The following MAP3K20 variants were observed in gnomAD, a reference collection of about 807,000 sequenced individuals.
The protein encoded by MAP3K20 is mitogen-activated protein kinase kinase kinase 20.
In MAP3K20, 40 loss-of-function variants were observed where a neutral mutation model predicts 85.7. The ratio of observed to expected loss-of-function variants is 0.47; its 90% CI spans 0.36 to 0.61. The LOEUF is 0.61. Ranked by LOEUF, MAP3K20 falls within the 20% of genes least tolerant of loss-of-function variation. The pLI, the probability that MAP3K20 is intolerant of heterozygous loss-of-function variation, is 0.00. For missense variants in MAP3K20, 817 were observed against 961.7 expected (o/e 0.85, Z 1.99); for synonymous variants, 325 against 327.7 (o/e 0.99, Z 0.09).
rs1349368914 is a variant in MAP3K20 at position 173,232,223 on chromosome 2, GC to G, written c.1063+2del. The G allele has an allele frequency of 6.2e-7, 1 of 1,614,080 alleles. No homozygotes were observed. Among genetic ancestry groups the G allele is most frequent in the Non-Finnish European group, 8.5e-7 (1 of 1,180,040 alleles). On this transcript the variant is annotated splice_donor_variant, in intron 13 of 19. Transcript: ENST00000375213. LOFTEE classifies it high-confidence loss of function. ...TGGGTTCAGCAGCTCGTCAGAAAAG[GC>G]AAGTGGAATAAGTTACCTTCTTCAA...
Position 173,230,289 on chromosome 2 carries a change from G to T in MAP3K20, c.1032+556G>T, listed in dbSNP as rs534660821. Among the ~76,000 whole-genome samples, 8 of 152,224 alleles carry T rather than the reference G, an allele frequency of 5.3e-5. No individual in the cohort carries two copies. In the South Asian group the frequency reaches 1.7e-3, roughly 32 times the overall value. ...TACCCATGAGGAAATTAAAGTGGCA[G>T]CTCGGGAAAACAAATGAACATACTT... On this transcript the variant is annotated intron_variant, in intron 12 of 19. Coordinates refer to ENST00000375213, the MANE Select transcript of MAP3K20 (RefSeq NM_016653.3).
chr2:173,249,702 G>C (rs939342169), intron 16 of MAP3K20, among the ~76,000 whole-genome samples: 2 of 152,170 alleles, frequency 1.3e-5, no homozygotes, highest in Non-Finnish European at 2.9e-5. Context: ...ACATAGAATA[G>C]ATTCTTAATT....
intron 4 of MAP3K20, among the ~76,000 whole-genome samples, chr2:173,186,372 A>G (rs1056876279): frequency 1.3e-5 from 2 of 152,114 alleles, no homozygotes; most frequent in Non-Finnish European, 2.9e-5. Context: ...GGGATGTAGA[A>G]CTTCTTATCA....
chr2:173,146,842 C>T (rs1689152931), intron 2 of MAP3K20, among the ~76,000 whole-genome samples: 1 of 152,176 alleles, frequency 6.6e-6, no homozygotes, highest in African/African-American at 2.4e-5. Flanking sequence ...TGGGTTCTAA[C>T]TTCTCTACAC....
At chr2:173,206,303 G>A (rs1020851630) in intron 9 of MAP3K20, among the ~76,000 whole-genome samples, 6 of 152,228 alleles carry the variant, frequency 3.9e-5, no homozygotes, top group Admixed American at 6.5e-5. Flanking sequence ...CAGCTGGCAT[G>A]TCTTTAAATG....
At chr2:173,254,514 G>A (rs973001647) in intron 16 of MAP3K20, among the ~76,000 whole-genome samples, 1 of 151,828 alleles carries the variant, frequency 6.6e-6, no homozygotes, top group African/African-American at 2.4e-5. Flanking sequence ...TGAAAAGGTT[G>A]CAGATATGTA....
In MAP3K20 at chr2:173,198,213, C is replaced by T; in HGVS notation, c.669+101C>T. ...TCTTCAAATTGAAAGTAAGTTCACG[C>T]TTATGGAAAGATTAGCAGTAGGAGC... On this transcript the variant is annotated intron_variant, in intron 8 of 19. Transcript: ENST00000375213. This position sits in a 1 kb window ranked among gnomAD's most constrained non-coding sequence, Gnocchi z 5.8. 1 of 1,101,002 alleles carries T rather than the reference C, an allele frequency of 9.1e-7. No individual in the cohort carries two copies. Among genetic ancestry groups the T allele is most frequent in the African/African-American group, 1.6e-5 (1 of 63,358 alleles). 68.2% of individuals were successfully genotyped at this position (1,101,002 alleles called of 1,614,324 possible).
intron 3 of MAP3K20, among the ~76,000 whole-genome samples, chr2:173,172,152 GAGC>G (rs1690016668): frequency 6.6e-6 from 1 of 152,148 alleles, no homozygotes; most frequent in Non-Finnish European, 1.5e-5. Flanking sequence ...CACTGGAAAT[GAGC>G]ACAAATAAGT....
At chr2:173,209,685 TTTC>T (rs1221625686) in intron 9 of MAP3K20, 41 bp from the exon 10 acceptor site, 1 of 1,532,800 alleles carries the variant, frequency 6.5e-7, no homozygotes, top group Admixed American at 1.9e-5. Flanking sequence ...AAATATCTCC[TTTC>T]TTAAGTCCCA....
At chr2:173,204,304 A>G (rs1480565893) in intron 9 of MAP3K20, among the ~76,000 whole-genome samples, 1 of 152,214 alleles carries the variant, frequency 6.6e-6, no homozygotes, top group Non-Finnish European at 1.5e-5. Flanking sequence ...GAACCAAGAC[A>G]TACAGAGGTT....
At chr2:173,153,295 G>A (rs909620440) in intron 2 of MAP3K20, among the ~76,000 whole-genome samples, 15 of 152,162 alleles carry the variant, frequency 9.9e-5, no homozygotes, top group African/African-American at 3.6e-4. Context: ...GTAACTGACT[G>A]TCCGTGACTA....
In MAP3K20 at chr2:173,102,873, A is replaced by C. The variant is rs190364940; in HGVS notation, c.159+11683A>C. On this transcript the variant is annotated intron_variant, in intron 2 of 19. Transcript: ENST00000375213. ...CAGATCACCTGAGGTCAGGAGTTCGAGACCAGCCTGGCCAAAACCCTGTCT... is the reference window on the plus strand; with the variant it reads ...CAGATCACCTGAGGTCAGGAGTTCGCGACCAGCCTGGCCAAAACCCTGTCT... Among the ~76,000 whole-genome samples, 379 of 152,212 alleles carry C rather than the reference A, an allele frequency of 2.5e-3. 3 individuals carry two copies. The highest frequency in any genetic ancestry group is 8.8e-3 in the African/African-American group (365 of 41,526).
chr2:173,142,485 A>C (rs77569129), intron 2 of MAP3K20, among the ~76,000 whole-genome samples: 9,610 of 151,772 alleles, frequency 0.063, 926 homozygotes, highest in East Asian at 0.53. Context: ...AAAAAAAAAA[A>C]AGTAGTATAT....
At chr2:173,230,584 C>G (rs570277436) in intron 12 of MAP3K20, among the ~76,000 whole-genome samples, 1 of 152,286 alleles carries the variant, frequency 6.6e-6, no homozygotes, top group South Asian at 2.1e-4. Context: ...CTGTTGAAGT[C>G]CAAAAGAAGT....
intron 2 of MAP3K20, among the ~76,000 whole-genome samples, chr2:173,139,443 A>G (rs895490335): frequency 1.3e-5 from 2 of 152,228 alleles, no homozygotes; most frequent in South Asian, 2.1e-4. Context: ...TTCTGAGTCT[A>G]TACCATATGC....
chr2:173,103,273 A>G (rs765909857), intron 2 of MAP3K20, among the ~76,000 whole-genome samples: 1 of 152,164 alleles, frequency 6.6e-6, no homozygotes, highest in African/African-American at 2.4e-5. Context: ...GCATTCTTCT[A>G]TGGGAAAAAC....
intron 1 of MAP3K20, among the ~76,000 whole-genome samples, chr2:173,077,184 C>T (rs1686886796): frequency 6.6e-6 from 1 of 152,124 alleles, no homozygotes; most frequent in African/African-American, 2.4e-5. Context: ...TGTACTCCTT[C>T]TTTAACCCCG....
chr2:173,264,686 A>G lies in MAP3K20; in HGVS notation c.1702+791A>G, dbSNP rs113573471. ...GCTACATGGAGGGGGATGGAGACTG[A>G]GCAAAATCAGGGTTCTATTGGAAGG... On this transcript the variant is annotated intron_variant, in intron 19 of 19. Coordinates refer to ENST00000375213, the MANE Select transcript of MAP3K20 (RefSeq NM_016653.3). 9.7e-3 allele frequency among the ~76,000 whole-genome samples: 1,466 copies of G among 151,850 alleles called. 12 individuals carry two copies. The highest frequency in any genetic ancestry group is 0.016 in the Non-Finnish European group (1,070 of 68,038).
chr2:173,117,154 G>C (rs1688148528), intron 2 of MAP3K20, among the ~76,000 whole-genome samples: 1 of 152,110 alleles, frequency 6.6e-6, no homozygotes, highest in African/African-American at 2.4e-5. Flanking sequence ...AAAAAGAATT[G>C]GTATTTTTAA....
Sources: allele counts gnomAD v4.1 joint callset (sites outside exome capture counted in the v4.1 genomes callset), GRCh38; gene constraint gnomAD v4.1.1; non-coding constraint Gnocchi (gnomAD v3.1); transcripts MANE v1.5; gene names NCBI Gene and HGNC (gene_info 2026-07-23, HGNC 2026-07-21).